The following ZNF263 variants were observed in gnomAD, a reference collection of about 807,000 sequenced individuals.
ZNF263 encodes zinc finger protein FPM315.
Under a neutral mutation model 63.1 loss-of-function variants are expected in ZNF263, and 49 were observed. That is an observed-to-expected ratio of 0.78 (90% CI 0.62 to 0.99). The LOEUF (loss-of-function observed/expected upper bound fraction) is 0.99, where lower values mean the gene tolerates loss of function less well. Among genes scored for constraint, ZNF263 ranks in the 50% least tolerant of loss-of-function variants. The pLI is 0.00. For synonymous variants in ZNF263, 352 were observed against 324.2 expected (o/e 1.09, Z -0.92); for missense variants, 872 against 854.8 (o/e 1.02, Z -0.25).
At chr16:3,287,698 C>T (rs1959430064) in intron 4 of ZNF263, among the ~76,000 whole-genome samples, 1 of 151,860 alleles carries the variant, frequency 6.6e-6, no homozygotes, top group South Asian at 2.1e-4. Context: ...ATAGAAATGG[C>T]ACTTGTGGGT....
chr16:3,288,405 G>A (rs200880849), intron 4 of ZNF263, 49 bp from the exon 5 acceptor site: 342 of 1,377,918 alleles, frequency 2.5e-4, no homozygotes, highest in Middle Eastern at 7.4e-4. Flanking sequence ...TCCCTACCCT[G>A]GTAGAGGAAA....
chr16:3,292,687 C>T (rs575557270), downstream of ZNF263, among the ~76,000 whole-genome samples: 21 of 152,312 alleles, frequency 1.4e-4, no homozygotes, highest in African/African-American at 4.8e-4. Flanking sequence ...TGATGTGGTC[C>T]AACTGGTGCT....
At chr16:3,285,929 C>T in intron 3 of ZNF263, 94 bp from the exon 4 acceptor site, 1 of 1,601,976 alleles carries the variant, frequency 6.2e-7, no homozygotes, top group Non-Finnish European at 8.5e-7. Context: ...CTGACATGTG[C>T]TTGGCATCCC....
intron 1 of ZNF263, chr16:3,298,936 A>G (rs1193402712): frequency 9.9e-7 from 1 of 1,014,052 alleles, no homozygotes; most frequent in South Asian, 3.8e-5. Context: ...CCTACATCAT[A>G]TAATGGCAGA....
chr16:3,295,765 G>A (rs1959729222), downstream of ZNF263, among the ~76,000 whole-genome samples: 1 of 152,252 alleles, frequency 6.6e-6, no homozygotes, highest in African/African-American at 2.4e-5. Context: ...AACTGAAGAG[G>A]CAGAGTCAAC....
At chr16:3,289,352 A>T in intron 5 of ZNF263, 41 bp from the exon 6 acceptor site, 1 of 1,494,024 alleles carries the variant, frequency 6.7e-7, no homozygotes, top group East Asian at 2.3e-5. Context: ...TTTCTCCAGC[A>T]TAGAAATAAT....
chr16:3,292,690 C>T (rs997508516), downstream of ZNF263, among the ~76,000 whole-genome samples: 6 of 152,240 alleles, frequency 3.9e-5, no homozygotes, highest in Non-Finnish European at 7.3e-5. Flanking sequence ...TGTGGTCCAA[C>T]TGGTGCTGCT....
downstream of ZNF263, among the ~76,000 whole-genome samples, chr16:3,291,849 G>A (rs2037407415): frequency 6.6e-6 from 1 of 152,202 alleles, no homozygotes; most frequent in South Asian, 2.1e-4. Context: ...GATTTCCAGG[G>A]TGGAAGTTAA....
intron 1 of ZNF263, among the ~76,000 whole-genome samples, chr16:3,298,025 G>A (rs905325145): frequency 1.5e-4 from 23 of 152,230 alleles, no homozygotes; most frequent in Admixed American, 1.4e-3. Context: ...ATTTAACAGC[G>A]TGTATCGCAG....
downstream of ZNF263, among the ~76,000 whole-genome samples, chr16:3,293,948 C>CG (rs1959679801): frequency 6.6e-6 from 1 of 152,224 alleles, no homozygotes; most frequent in Non-Finnish European, 1.5e-5. Context: ...TTGTTTGAGA[C>CG]GGAGTCTCGC....
chr16:3,289,624 A>T lies in ZNF263; in HGVS notation c.1118A>T (p.Gln373Leu). 1 of 1,614,206 alleles carries T rather than the reference A, an allele frequency of 6.2e-7. No individual in the cohort carries two copies. The highest frequency in any genetic ancestry group is 8.5e-7 in the Non-Finnish European group (1 of 1,180,040). Residue 373 changes from glutamine (Q) to leucine (L), a missense_variant, in exon 6 of 6, where the codon CAG becomes CTG. Transcript: ENST00000219069. ...GRELGRPKELQPKKLHLCPLC... is the reference protein window; with the variant it reads ...GRELGRPKELLPKKLHLCPLC... ...GAACTGGGGCGACCGAAGGAACTGC[A>T]GCCAAAGAAACTCCATTTATGTCCC... is the stretch of plus-strand genomic sequence containing the variant.
Position 3,299,244 on chromosome 16 carries a change from T to C in ZNF263, c.*46+88T>C, listed in dbSNP as rs1221632336. 6.2e-6 allele frequency: 10 copies of C among 1,611,512 alleles called. No homozygotes were observed. The highest frequency in any genetic ancestry group is 8.5e-6 in the Non-Finnish European group (10 of 1,179,358). On this transcript the variant is annotated intron_variant, in intron 2 of 2. Coordinates refer to the ZNF263 transcript ENST00000574674. Reference sequence around the variant, plus strand: ...CTCCTTTTTGAACAACTTCCTTTGTTATTCCACCTTTGGTTTTTAGGAGAC... The same window carrying C: ...CTCCTTTTTGAACAACTTCCTTTGTCATTCCACCTTTGGTTTTTAGGAGAC...
In ZNF263 at chr16:3,291,055, A is replaced by C; in HGVS notation, c.*497A>C. 1 of 994,376 alleles carries C rather than the reference A, an allele frequency of 1.0e-6. No homozygotes were observed. Among genetic ancestry groups the C allele is most frequent in the Non-Finnish European group, 1.2e-6 (1 of 834,248 alleles). The allele number at this position is 994,376 out of a possible 1,614,324, so 61.6% of individuals were successfully genotyped here. A position where few individuals can be genotyped will look rare whatever the true frequency, so the allele number is the denominator to read the frequency against. On this transcript the variant is annotated 3_prime_UTR_variant, in exon 6 of 6. Coordinates refer to ENST00000219069, the MANE Select transcript of ZNF263 (RefSeq NM_005741.5). Reference sequence around the variant, plus strand: ...TGGTTGTGAGTTGCAGCTGTCCCGAAGGCCCCAGTTGGGAAGCCATGGGCA... The same window carrying C: ...TGGTTGTGAGTTGCAGCTGTCCCGACGGCCCCAGTTGGGAAGCCATGGGCA...
rs535241094 is a variant in ZNF263, at chr16:3,287,930, AC to A, written c.770-523del. Among the ~76,000 whole-genome samples, 356 of 151,872 alleles carry A rather than the reference AC, an allele frequency of 2.3e-3. 1 individual carries two copies. The highest frequency in any genetic ancestry group is 6.4e-3 in the South Asian group (31 of 4,808). The stretch of plus-strand genomic sequence containing the variant: ...GTGTACATTCTCATTGCAAAAAAAA[AC>A]ATTCCAAGTACCATGAATATTTAAA... On this transcript the variant is annotated intron_variant, in intron 4 of 5. Coordinates refer to ENST00000219069, the MANE Select transcript of ZNF263 (RefSeq NM_005741.5).
intron 2 of ZNF263, 63 bp from the exon 3 acceptor site, chr16:3,285,618 A>C: frequency 1.3e-6 from 2 of 1,538,358 alleles, no homozygotes; most frequent in East Asian, 4.5e-5. Flanking sequence ...ACTGTGTTTT[A>C]ATAATCCTTG....
chr16:3,299,805 A>C, intron 2 of ZNF263: 9 of 1,586,392 alleles, frequency 5.7e-6, no homozygotes, highest in Non-Finnish European at 7.7e-6. Context: ...CCTCAGGAAC[A>C]AAGTTTTGAA....
Position 3,283,700 on chromosome 16 carries a change from T to A in ZNF263, c.-119T>A. The A allele has an allele frequency of 7.3e-7, 1 of 1,368,346 alleles. No homozygotes were observed. 84.8% of individuals were successfully genotyped at this position (1,368,346 alleles called of 1,614,324 possible). A position where few individuals can be genotyped will look rare whatever the true frequency, so the allele number is the denominator to read the frequency against. On this transcript the variant is annotated 5_prime_UTR_variant, in exon 1 of 6. Coordinates refer to ENST00000219069, the MANE Select transcript of ZNF263 (RefSeq NM_005741.5). Reference sequence around the variant, plus strand: ...TGGGCTGGAGCGGGGCTCCTCGGCCTGGACTGGGAGCCCCCGGCCCCGGGC... The same window carrying A: ...TGGGCTGGAGCGGGGCTCCTCGGCCAGGACTGGGAGCCCCCGGCCCCGGGC...
Position 3,290,456 on chromosome 16 carries a change from G to C in ZNF263, c.1950G>C (p.Leu650=), listed in dbSNP as rs369302830. The change falls in exon 6 of 6, where the codon CTG becomes CTC. Residue 650 remains leucine, a synonymous_variant. Transcript: ENST00000219069. ...ACAGCTCCAATCGGATTCGCCACCT[G>C]AGAACGCATACGGGAGAGAGACCCT... ...FSHSSNRIRH[L]RTHTGERPYK... The C allele has an allele frequency of 2.4e-5, 38 of 1,614,034 alleles. No individual in the cohort carries two copies. Among genetic ancestry groups the C allele is most frequent in the Non-Finnish European group, 3.2e-5 (38 of 1,180,034 alleles).
intron 4 of ZNF263, chr16:3,286,818 A>G (rs1029722190): frequency 8.5e-5 from 13 of 152,206 alleles, no homozygotes; most frequent in African/African-American, 2.9e-4. Flanking sequence ...TTATTGTACA[A>G]TTCCCTCAAC....
Sources: gnomAD v4.1 joint callset for allele counts (sites outside exome capture counted in the v4.1 genomes callset) on GRCh38, gnomAD v4.1.1 for gene constraint, MANE v1.5 for transcripts, NCBI Gene and HGNC (gene_info 2026-07-23, HGNC 2026-07-21) for gene names.